The following PRLR variants were observed in gnomAD, a reference collection of about 807,000 sequenced individuals.
PRLR encodes the protein prolactin receptor, also known as hPRL receptor.
In PRLR, 13 loss-of-function variants were observed where a neutral mutation model predicts 40.2. The observed-to-expected ratio is 0.32, with a 90% CI of 0.21 to 0.51. The LOEUF is 0.51. Ranked by LOEUF, PRLR falls within the 20% of genes least tolerant of loss-of-function variation. The pLI is 0.97. For missense variants in PRLR, 656 were observed against 747.3 expected (o/e 0.88, Z 1.42); for synonymous variants, 269 against 278.7 (o/e 0.97, Z 0.35).
intron 1 of PRLR, among the ~76,000 whole-genome samples, chr5:35,208,177 GCACACACACACA>G (rs1281536944): frequency 1.1e-5 from 1 of 87,150 alleles, no homozygotes; most frequent in Non-Finnish European, 3.0e-5. Flanking sequence ...CCACGCGCGC[GCACACACACACA>G]CACACACACA....
chr5:35,071,063 A>C (rs181258654), intron 6 of PRLR, among the ~76,000 whole-genome samples: 40 of 152,280 alleles, frequency 2.6e-4, no homozygotes. Flanking sequence ...TTTTAGCATC[A>C]CTTATGGTGG....
chr5:35,227,735 G>C (rs1776587219), intron 1 of PRLR, among the ~76,000 whole-genome samples: 3 of 152,174 alleles, frequency 2.0e-5, no homozygotes, highest in African/African-American at 7.2e-5. Context: ...AGTACATGCT[G>C]AGTTGGCTAC....
In PRLR at chr5:35,068,769, A is replaced by G. The variant is rs368100658; in HGVS notation, c.785+10T>C. The G allele has an allele frequency of 6.8e-4, 1,058 of 1,561,550 alleles. No homozygotes were observed. The highest frequency in any genetic ancestry group is 7.9e-4 in the Non-Finnish European group (900 of 1,133,936). On this transcript the variant is annotated intron_variant, in intron 8 of 9. Transcript: ENST00000618457. ...TGATTGGGAGGAAAAGTTGAGAGACAGTGAAGTACCTATAGCCCTTCAAAG... is the reference window on the plus strand; with the variant it reads ...TGATTGGGAGGAAAAGTTGAGAGACGGTGAAGTACCTATAGCCCTTCAAAG...
chr5:35,135,635 C>G (rs1406390026), intron 1 of PRLR, among the ~76,000 whole-genome samples: 3 of 152,198 alleles, frequency 2.0e-5, no homozygotes, highest in African/African-American at 7.2e-5. Flanking sequence ...CCTGGAGTTT[C>G]AGATTGACTC....
intron 1 of PRLR, among the ~76,000 whole-genome samples, chr5:35,229,869 T>C (rs946997382): frequency 2.0e-5 from 3 of 152,134 alleles, no homozygotes; most frequent in African/African-American, 7.2e-5. Context: ...TCTTTTCTTT[T>C]TATTTTGACG....
intron 5 of PRLR, among the ~76,000 whole-genome samples, chr5:35,079,571 T>C (rs1164488887): frequency 1.3e-5 from 2 of 152,148 alleles, no homozygotes; most frequent in Non-Finnish European, 2.9e-5. Context: ...TACACAGAAA[T>C]GGAAGAACAT....
At chr5:35,089,740 T>G in intron 2 of PRLR, 77 bp from the exon 3 acceptor site, 1 of 807,580 alleles carries the variant, frequency 1.2e-6, no homozygotes, top group Non-Finnish European at 2.1e-6. Flanking sequence ...TTCTGGGTAT[T>G]TGCAACTGAT....
Position 35,144,856 on chromosome 5 carries a change from G to A in PRLR, c.-105-26734C>T, listed in dbSNP as rs140341554. Among the ~76,000 whole-genome samples, 636 of 152,284 alleles carry A rather than the reference G, an allele frequency of 4.2e-3. 4 individuals carry two copies. The highest frequency in any genetic ancestry group is 0.015 in the African/African-American group (609 of 41,552). On this transcript the variant is annotated intron_variant, in intron 1 of 9. Transcript: ENST00000618457. The stretch of plus-strand genomic sequence containing the variant: ...CTGGTCTAGAGCCTCTGTCTCTTGA[G>A]TAGCTGGGACTACAGGTGCGTGAGG...
intron 5 of PRLR, among the ~76,000 whole-genome samples, chr5:35,075,524 A>ACAATCTTTGTTTAC (rs1479538501): frequency 2.0e-5 from 3 of 152,154 alleles, no homozygotes; most frequent in African/African-American, 4.8e-5. Flanking sequence ...TTGAGATTGT[A>ACAATCTTTGTTTAC]AACAAAGTGG....
chr5:35,102,518 CTCCT>C (rs1771963275), intron 2 of PRLR, among the ~76,000 whole-genome samples: 2 of 132,700 alleles, frequency 1.5e-5, no homozygotes, highest in Admixed American at 1.5e-4. Flanking sequence ...CTCCTCTCCT[CTCCT>C]CTCCTCTCCT....
intron 5 of PRLR, among the ~76,000 whole-genome samples, chr5:35,076,952 A>G (rs1212852096): frequency 6.6e-6 from 1 of 152,220 alleles, no homozygotes; most frequent in Non-Finnish European, 1.5e-5. Context: ...ACTAAGCTTC[A>G]TAAGTGAAGG....
chr5:35,224,729 A>G (rs1318192008), intron 1 of PRLR, among the ~76,000 whole-genome samples: 2 of 16,322 alleles, frequency 1.2e-4, no homozygotes, highest in Non-Finnish European at 6.5e-4. Context: ...AGTTGGGGGA[A>G]AAAAAGGGAG....
intron 1 of PRLR, among the ~76,000 whole-genome samples, chr5:35,189,660 T>A (rs1374552269): frequency 6.6e-6 from 1 of 152,056 alleles, no homozygotes; most frequent in African/African-American, 2.4e-5. Flanking sequence ...TCACTATTAC[T>A]GATAAAATGT....
chr5:35,076,127 C>T lies in PRLR; in HGVS notation c.374-3383G>A, dbSNP rs113894857. ...AAGCTGAACATTTTAAAAATCAGAG[C>T]ACCTCTTCTCCTCCAAAGGAATGCA... On this transcript the variant is annotated intron_variant, in intron 5 of 9. Coordinates refer to ENST00000618457, the MANE Select transcript of PRLR (RefSeq NM_000949.7). 7.3e-3 allele frequency among the ~76,000 whole-genome samples: 1,117 copies of T among 152,294 alleles called. 15 individuals carry two copies. Among genetic ancestry groups the T allele is most frequent in the African/African-American group, 0.026 (1,063 of 41,552 alleles).
chr5:35,141,197 T>C (rs1774014229), intron 1 of PRLR, among the ~76,000 whole-genome samples: 1 of 151,718 alleles, frequency 6.6e-6, no homozygotes, highest in East Asian at 1.9e-4. Context: ...GGCTATTTCA[T>C]CATTCATGTA....
intron 2 of PRLR, among the ~76,000 whole-genome samples, chr5:35,104,251 TA>T (rs1246871260): frequency 1.3e-5 from 2 of 152,100 alleles, no homozygotes; most frequent in African/African-American, 4.8e-5. Context: ...AGAGCAAGGA[TA>T]GGGGTTCCAA....
chr5:35,167,150 TATC>T (rs1774860355), intron 1 of PRLR, among the ~76,000 whole-genome samples: 1 of 144,872 alleles, frequency 6.9e-6, no homozygotes, highest in Admixed American at 6.8e-5. Flanking sequence ...TCTATCTATC[TATC>T]TATCTATCTA....
rs1433426229 is a variant in PRLR, at chr5:35,064,463, G to A, written c.*626C>T. 1 of 152,516 alleles carries A rather than the reference G, an allele frequency of 6.6e-6. No individual in the cohort carries two copies. The highest frequency in any genetic ancestry group is 1.5e-5 in the Non-Finnish European group (1 of 68,046). 9.4% of individuals were successfully genotyped at this position (152,516 alleles called of 1,614,324 possible). A position where few individuals can be genotyped will look rare whatever the true frequency, so the allele number is the denominator to read the frequency against. ...ATAGAAGCTTTAGAGTAGAATTTAG[G>A]GGGAAAATCCATGCTTAACATATCT... On this transcript the variant is annotated 3_prime_UTR_variant, in exon 10 of 10. Coordinates refer to ENST00000618457, the MANE Select transcript of PRLR (RefSeq NM_000949.7).
At position 35,167,261 on chromosome 5, in the gene PRLR, C is replaced by T. The variant is rs192373642; in HGVS notation, c.-105-49139G>A. ...CACAGAAAAGGGAAGTAGATTGAGG[C>T]GAGTCTCATACTGGCTTCTCTTCAT... On this transcript the variant is annotated intron_variant, in intron 1 of 9. Coordinates refer to ENST00000618457, the MANE Select transcript of PRLR (RefSeq NM_000949.7). 3.1e-3 allele frequency among the ~76,000 whole-genome samples: 464 copies of T among 152,074 alleles called. 5 individuals carry two copies. Among genetic ancestry groups the T allele is most frequent in the Admixed American group, 6.5e-3 (100 of 15,278 alleles).
Sources: allele counts gnomAD v4.1 joint callset (sites outside exome capture counted in the v4.1 genomes callset), GRCh38; gene constraint gnomAD v4.1.1; transcripts MANE v1.5; gene names NCBI Gene and HGNC (gene_info 2026-07-23, HGNC 2026-07-21).